VPS53: variants seen among roughly 807,000 people sequenced by gnomAD.
The protein encoded by VPS53 is VPS53 subunit of GARP complex, also known as vacuolar protein sorting-associated protein 53 homolog.
Under a neutral mutation model 107.0 loss-of-function variants are expected in VPS53, and 70 were observed. The ratio of observed to expected loss-of-function variants is 0.65; its 90% CI spans 0.54 to 0.80. VPS53 has a LOEUF of 0.80. VPS53 is among the 30% of genes least tolerant of loss of function. The pLI is 0.00. For synonymous variants in VPS53, 409 were observed against 393.3 expected (o/e 1.04, Z -0.47); for missense variants, 917 against 1,049.4 (o/e 0.87, Z 1.74).
intron 17 of VPS53, among the ~76,000 whole-genome samples, chr17:548,124 C>T (rs929372888): frequency 7.2e-5 from 11 of 152,296 alleles, no homozygotes; most frequent in South Asian, 4.1e-4. Context: ...AACATGGCTG[C>T]GACTGGAGAA....
At chr17:601,955 A>G (rs1482555965) in intron 11 of VPS53, 59 bp from the exon 12 acceptor site, 6 of 1,264,490 alleles carry the variant, frequency 4.7e-6, no homozygotes, top group Non-Finnish European at 6.5e-6. Flanking sequence ...AGCTTTCCCC[A>G]TTGATCTGCT....
At chr17:564,494 T>C (rs1913306136) in intron 13 of VPS53, among the ~76,000 whole-genome samples, 2 of 145,160 alleles carry the variant, frequency 1.4e-5, no homozygotes, top group Admixed American at 1.4e-4. Context: ...GAGCTGAGAC[T>C]GCACCACTGC....
intron 7 of VPS53, among the ~76,000 whole-genome samples, chr17:642,898 G>C (rs1274013017): frequency 3.1e-5 from 4 of 130,244 alleles, no homozygotes; most frequent in Non-Finnish European, 6.8e-5. Context: ...CTTGGAAATC[G>C]AGGACAACAC....
chr17:682,275 G>A (rs1157851101), intron 4 of VPS53, among the ~76,000 whole-genome samples: 3 of 152,154 alleles, frequency 2.0e-5, no homozygotes, highest in Non-Finnish European at 2.9e-5. Context: ...TATGCTGCAT[G>A]AAACCCGCTG....
At chr17:694,314 G>A (rs1972872767) in intron 4 of VPS53, among the ~76,000 whole-genome samples, 1 of 152,162 alleles carries the variant, frequency 6.6e-6, no homozygotes, top group South Asian at 2.1e-4. Context: ...ATACGGGATG[G>A]GGGAGAACGC....
chr17:647,534 C>T (rs979842003), intron 7 of VPS53, among the ~76,000 whole-genome samples: 3 of 152,170 alleles, frequency 2.0e-5, no homozygotes, highest in African/African-American at 7.2e-5. Context: ...CTTCCTCCTC[C>T]CCCATCCGCT....
At chr17:672,134 A>ACACACACACACG (rs2143707677) in intron 4 of VPS53, among the ~76,000 whole-genome samples, 1 of 148,688 alleles carries the variant, frequency 6.7e-6, no homozygotes, top group Admixed American at 6.8e-5. Flanking sequence ...ACACACACAC[A>ACACACACACACG]CACACACACA....
At chr17:603,386 C>T (rs1202956393) in intron 11 of VPS53, among the ~76,000 whole-genome samples, 2 of 152,252 alleles carry the variant, frequency 1.3e-5, no homozygotes, top group Non-Finnish European at 2.9e-5. Flanking sequence ...GGCACCACTG[C>T]ACTCCAGCCT....
chr17:680,061 A>C (rs1233330922), intron 4 of VPS53, among the ~76,000 whole-genome samples: 1 of 152,208 alleles, frequency 6.6e-6, no homozygotes, highest in Non-Finnish European at 1.5e-5. Flanking sequence ...TGGGAGGCCG[A>C]AGTGGGTGAA....
chr17:545,727 A>G (rs758101032), intron 17 of VPS53, among the ~76,000 whole-genome samples: 7 of 152,248 alleles, frequency 4.6e-5, no homozygotes, highest in Non-Finnish European at 8.8e-5. Context: ...TCCAAAATGA[A>G]TAAGACACAG....
At chr17:607,158 C>T (rs1439967967) in intron 11 of VPS53, among the ~76,000 whole-genome samples, 1 of 152,138 alleles carries the variant, frequency 6.6e-6, no homozygotes, top group African/African-American at 2.4e-5. Flanking sequence ...AACTGTTGTG[C>T]TTCTCTTAAT....
intron 5 of VPS53, chr17:657,628 A>T (rs546613827): frequency 3.2e-6 from 2 of 621,466 alleles, no homozygotes; most frequent in East Asian, 5.6e-5. Context: ...TTGGTTGCCC[A>T]GGTTCTGTGA....
intron 17 of VPS53, among the ~76,000 whole-genome samples, chr17:540,828 G>C (rs1010665861): frequency 6.6e-6 from 1 of 152,112 alleles, no homozygotes; most frequent in African/African-American, 2.4e-5. Context: ...TGTCCCCAGA[G>C]CCCAGCTTCT....
intron 19 of VPS53, among the ~76,000 whole-genome samples, chr17:526,347 T>G (rs1409030384): frequency 6.6e-6 from 1 of 152,240 alleles, no homozygotes; most frequent in East Asian, 1.9e-4. Flanking sequence ...AGGGTTTGAA[T>G]GCACCAGGCA....
At chr17:589,162 T>A (rs1193121481) in intron 12 of VPS53, among the ~76,000 whole-genome samples, 1 of 151,992 alleles carries the variant, frequency 6.6e-6, no homozygotes, top group African/African-American at 2.4e-5. Context: ...ACATGTGAAT[T>A]TACATAATAC....
At chr17:548,434 A>ATT (rs1911454829) in intron 17 of VPS53, among the ~76,000 whole-genome samples, 3 of 77,578 alleles carry the variant, frequency 3.9e-5, no homozygotes, top group Non-Finnish European at 5.1e-5. Flanking sequence ...CCTTCTGGAA[A>ATT]TATCCAACGA....
chr17:604,379 G>A (rs918617257), intron 11 of VPS53, among the ~76,000 whole-genome samples: 7 of 152,304 alleles, frequency 4.6e-5, no homozygotes, highest in South Asian at 4.1e-4. Flanking sequence ...TCAAGAAAAC[G>A]CAGAGGGTAG....
rs180690309 is a variant in VPS53 at position 608,377 on chromosome 17, C to T, written c.1117-6481G>A. Among the ~76,000 whole-genome samples the T allele has an allele frequency of 1.8e-4, 27 of 152,232 alleles. No individual in the cohort carries two copies. The East Asian group carries it at 2.5e-3, about 14-fold the overall frequency. On this transcript the variant is annotated intron_variant, in intron 11 of 21. Coordinates refer to ENST00000437048, the MANE Select transcript of VPS53 (RefSeq NM_001128159.3). ...TCAGATGAAAGGCCCTCAATAAAAT[C>T]CTCTTCAGAAACATGGGCAACACTT...
intron 5 of VPS53, among the ~76,000 whole-genome samples, chr17:659,511 C>T (rs1971358152): frequency 6.6e-6 from 1 of 152,118 alleles, no homozygotes; most frequent in African/African-American, 2.4e-5. Context: ...GAACTCCTGG[C>T]CTCAAGTGAT....
Sources: allele counts gnomAD v4.1 joint callset (sites outside exome capture counted in the v4.1 genomes callset), GRCh38; gene constraint gnomAD v4.1.1; transcripts MANE v1.5; gene names NCBI Gene and HGNC (gene_info 2026-07-23, HGNC 2026-07-21).